EVC2: variants seen among roughly 807,000 people sequenced by gnomAD.
EVC2 encodes limbin.
EVC2 carries 148 observed loss-of-function variants against 149.3 expected under a neutral mutation model. The ratio of observed to expected loss-of-function variants is 0.99; its 90% CI spans 0.87 to 1.14. EVC2 has a LOEUF of 1.14. Ranked by LOEUF, EVC2 falls within the 50% of genes most tolerant of loss-of-function variation. The probability of loss-of-function intolerance (pLI) is 0.00; values close to 1 mark genes in which losing one functional copy is unlikely to be tolerated. For synonymous variants in EVC2, 776 were observed against 649.9 expected (o/e 1.19, Z -2.95); for missense variants, 1,854 against 1,627.3 (o/e 1.14, Z -2.40).
At position 5,703,266 on chromosome 4, in the gene EVC2, CTT is replaced by C. The variant is rs1384005557; in HGVS notation, c.228+5018_228+5019del. Among the ~76,000 whole-genome samples, 17 of 152,300 alleles carry C rather than the reference CTT, an allele frequency of 1.1e-4. No homozygotes were observed. The East Asian group carries it at 1.2e-3, about 10-fold the overall frequency. On this transcript the variant is annotated intron_variant, in intron 1 of 21. Coordinates refer to ENST00000344408, the MANE Select transcript of EVC2 (RefSeq NM_147127.5). ...CATTGTAACTATTATTATCACCGCT[CTT>C]GTTACTGTTCTTATCATCACCATCA...
rs973492871 is a variant in EVC2, at chr4:5,587,545, C to T, written c.2830-2695G>A. Among the ~76,000 whole-genome samples the T allele has an allele frequency of 8.5e-5, 13 of 152,316 alleles. No homozygotes were observed. In the East Asian group the frequency reaches 2.5e-3, roughly 29 times the overall value. On this transcript the variant is annotated intron_variant, in intron 16 of 21. Transcript: ENST00000344408. ...TCTAACGTAAGTACCCATGTAGTTA[C>T]CATTCCCATTGCTCATTTTTTTGTG... is the stretch of plus-strand genomic sequence containing the variant.
chr4:5,562,424 T>G, downstream of EVC2: 1 of 1,009,670 alleles, frequency 9.9e-7, no homozygotes, highest in Non-Finnish European at 1.2e-6. The surrounding 1 kb of genome is among the most constrained non-coding windows in gnomAD (Gnocchi z 4.3). Context: ...AAACATGGGT[T>G]TTGTAATAAA....
At chr4:5,659,050 C>T (rs1560203141) in intron 9 of EVC2, among the ~76,000 whole-genome samples, 2 of 152,168 alleles carry the variant, frequency 1.3e-5, no homozygotes, top group South Asian at 2.1e-4. Flanking sequence ...CTGTAAGAGA[C>T]AGCCTATGAA....
intron 16 of EVC2, 70 bp downstream of exon 16, chr4:5,615,352 A>C (rs533764942): frequency 2.5e-6 from 4 of 1,610,160 alleles, no homozygotes; most frequent in South Asian, 1.1e-5. Flanking sequence ...TGTGCCTGCA[A>C]ATGTGTCAGC....
At chr4:5,580,474 C>G (rs964282728) in intron 17 of EVC2, among the ~76,000 whole-genome samples, 3 of 152,164 alleles carry the variant, frequency 2.0e-5, no homozygotes, top group Non-Finnish European at 4.4e-5. Flanking sequence ...TAATAGAAAT[C>G]AGTGTGGTCT....
intron 9 of EVC2, among the ~76,000 whole-genome samples, chr4:5,655,058 T>C (rs1577213188): frequency 6.6e-6 from 1 of 152,268 alleles, no homozygotes; most frequent in East Asian, 1.9e-4. Context: ...CAGAAGGTGT[T>C]TGTCACACAG....
chr4:5,600,124 T>C (rs1370167642), intron 16 of EVC2, among the ~76,000 whole-genome samples: 1 of 152,162 alleles, frequency 6.6e-6, no homozygotes, highest in East Asian at 1.9e-4. Flanking sequence ...CTATTATCTC[T>C]TACATACAAA....
intron 9 of EVC2, among the ~76,000 whole-genome samples, chr4:5,651,510 T>G (rs1370880490): frequency 6.6e-6 from 1 of 151,980 alleles, no homozygotes; most frequent in Non-Finnish European, 1.5e-5. Context: ...ATGGATGGAT[T>G]AGTGGATGAA....
rs754530657 is a variant in EVC2, at chr4:5,663,263, GAAATAAT to G, written c.1006-24_1006-18del. The stretch of plus-strand genomic sequence containing the variant: ...CTGCCAAACCTTCAGGAGAATTGCG[GAAATAAT>G]AATTGATTGGGCCTTCTTGTGAATT... On this transcript the variant is annotated intron_variant, in intron 8 of 21. Coordinates refer to ENST00000344408, the MANE Select transcript of EVC2 (RefSeq NM_147127.5). 8.1e-6 allele frequency: 13 copies of G among 1,613,814 alleles called. No homozygotes were observed. Among genetic ancestry groups the G allele is most frequent in the Non-Finnish European group, 1.1e-5 (13 of 1,179,828 alleles).
At chr4:5,627,722 T>TAC (rs1348363801) in intron 12 of EVC2, among the ~76,000 whole-genome samples, 1 of 152,206 alleles carries the variant, frequency 6.6e-6, no homozygotes, top group Non-Finnish European at 1.5e-5. Flanking sequence ...GACACCACCA[T>TAC]ACACTTGACC....
intron 9 of EVC2, among the ~76,000 whole-genome samples, chr4:5,658,518 T>C (rs1577217438): frequency 6.6e-6 from 1 of 152,366 alleles, no homozygotes; most frequent in African/African-American, 2.4e-5. Context: ...ACAAACACAA[T>C]TTCGAGACAG....
intron 10 of EVC2, among the ~76,000 whole-genome samples, chr4:5,634,437 G>A (rs1482791336): frequency 6.6e-6 from 1 of 152,130 alleles, no homozygotes; most frequent in Non-Finnish European, 1.5e-5. Context: ...AATTTGACAA[G>A]TCCCAAACTT....
chr4:5,684,653 T>C (rs1720571503), intron 6 of EVC2, among the ~76,000 whole-genome samples: 1 of 152,056 alleles, frequency 6.6e-6, no homozygotes, highest in Admixed American at 6.5e-5. Context: ...ACAGGGGCAG[T>C]GAGAGATGGG....
intron 9 of EVC2, among the ~76,000 whole-genome samples, chr4:5,658,822 G>A (rs1390910331): frequency 1.3e-5 from 2 of 152,230 alleles, no homozygotes; most frequent in Non-Finnish European, 2.9e-5. Flanking sequence ...TAAGATCGCA[G>A]GCGAGAGGTG....
Position 5,576,541 on chromosome 4 carries a change from A to G in EVC2, c.3058-87T>C, listed in dbSNP as rs141562480. ...AATCTGACCTCCTGGGTGTCTTGCT[A>G]CAAGTCTGGCATGACTCTGTCTTGC... On this transcript the variant is annotated intron_variant, in intron 17 of 21. Coordinates refer to ENST00000344408, the MANE Select transcript of EVC2 (RefSeq NM_147127.5). This position sits in a 1 kb window ranked among gnomAD's most constrained non-coding sequence, Gnocchi z 4.5. 138 of 1,534,130 alleles carry G rather than the reference A, an allele frequency of 9.0e-5. 1 individual carries two copies. The highest frequency in any genetic ancestry group is 2.0e-4 in the Admixed American group (10 of 50,990).
rs140525383 is a variant in EVC2 at position 5,686,618 on chromosome 4, C to T, written c.707-1139G>A. On this transcript the variant is annotated intron_variant, in intron 5 of 21. Transcript: ENST00000344408. This position sits in a 1 kb window ranked among gnomAD's most constrained non-coding sequence, Gnocchi z 5.4. ...GACAGTGACTGGCTTAGGATCACCC[C>T]GCTGATGGACAGGGAGCCACCTGAC... 8.3e-3 allele frequency among the ~76,000 whole-genome samples: 1,258 copies of T among 152,210 alleles called. 71 individuals are homozygous for T. The highest frequency in any genetic ancestry group is 0.077 in the Admixed American group (1,173 of 15,284).
In EVC2 at chr4:5,633,964, T is replaced by A. The variant is rs1443794300; in HGVS notation, c.1471-1932A>T. ...TACTTATTGTTTGATTTGTTCAGAA[T>A]CTGGGCCAGAAAGACAAGCATTATT... On this transcript the variant is annotated intron_variant, in intron 10 of 21. Coordinates refer to ENST00000344408, the MANE Select transcript of EVC2 (RefSeq NM_147127.5). This position sits in a 1 kb window ranked among gnomAD's most constrained non-coding sequence, Gnocchi z 4.4. Among the ~76,000 whole-genome samples the A allele has an allele frequency of 6.6e-6, 1 of 152,224 alleles. No homozygotes were observed. Among genetic ancestry groups the A allele is most frequent in the Admixed American group, 6.5e-5 (1 of 15,292 alleles).
chr4:5,596,646 C>T (rs944330536), intron 16 of EVC2, among the ~76,000 whole-genome samples: 31 of 152,072 alleles, frequency 2.0e-4, no homozygotes, highest in African/African-American at 7.0e-4. Flanking sequence ...ACCCTAACAT[C>T]ACAATTAAAA....
In EVC2 at chr4:5,625,697, G is replaced by T; in HGVS notation, c.2046+52C>A. The T allele has an allele frequency of 6.2e-7, 1 of 1,609,838 alleles. No individual in the cohort carries two copies. ...TCTGGCACAGTACCTGGCACTTGAT[G>T]GGTATCAGAAAGTGCCTATGCAAAG... On this transcript the variant is annotated intron_variant, in intron 13 of 21. Coordinates refer to ENST00000344408, the MANE Select transcript of EVC2 (RefSeq NM_147127.5). This position sits in a 1 kb window ranked among gnomAD's most constrained non-coding sequence, Gnocchi z 4.0.
Sources: allele counts gnomAD v4.1 joint callset (sites outside exome capture counted in the v4.1 genomes callset), GRCh38; gene constraint gnomAD v4.1.1; non-coding constraint Gnocchi (gnomAD v3.1); transcripts MANE v1.5; gene names NCBI Gene and HGNC (gene_info 2026-07-23, HGNC 2026-07-21).